Variants in SNRNP48 observed in about 807,000 individuals in gnomAD.
The protein encoded by SNRNP48 is small nuclear ribonucleoprotein U11/U12 subunit 48, also known as U11/U12 small nuclear ribonucleoprotein 48 kDa protein.
A neutral mutation model predicts 47.0 loss-of-function variants in SNRNP48; 43 were observed. The ratio of observed to expected loss-of-function variants is 0.92; its 90% CI spans 0.72 to 1.18. The LOEUF is 1.18. Among genes scored for constraint, SNRNP48 ranks in the 50% most tolerant of loss-of-function variants. The pLI is 0.00. For missense variants in SNRNP48, 396 were observed against 422.2 expected (o/e 0.94, Z 0.54); for synonymous variants, 138 against 144.0 (o/e 0.96, Z 0.30).
rs1441362533 is a variant in SNRNP48 at position 7,601,371 on chromosome 6, A to C, written c.442A>C (p.Asn148His). The C allele has an allele frequency of 2.5e-6, 4 of 1,576,444 alleles. No homozygotes were observed. The African/African-American group carries it at 4.2e-5, about 16-fold the overall frequency. ...TTCATTGCCTGTTGAAGTTCCTTTG[A>C]ATCACAAACGGTTTGTTTGTGATCT... ...YSSLPVEVPL[N>H]HKRFVCDLTQ... The change falls in exon 5 of 9, where the codon AAT becomes CAT. Residue 148 changes from asparagine (N) to histidine (H), a missense_variant. Coordinates refer to ENST00000342415, the MANE Select transcript of SNRNP48 (RefSeq NM_152551.4).
chr6:7,590,517 TC>T (rs1759796866), intron 1 of SNRNP48, 104 bp downstream of exon 1: 1 of 1,195,314 alleles, frequency 8.4e-7, no homozygotes, highest in Non-Finnish European at 1.1e-6. Flanking sequence ...GGGCGAGGAG[TC>T]CTCGTCCGTG....
chr6:7,608,891 AT>A lies in SNRNP48; in HGVS notation c.*19del. ...AAATATAAATGAAGTACTTGTACCT[AT>A]ATTAATTATGCTTACGCCATGATAA... On this transcript the variant is annotated 3_prime_UTR_variant, in exon 9 of 9. Transcript: ENST00000342415. The A allele has an allele frequency of 7.3e-7, 1 of 1,369,092 alleles. No individual in the cohort carries two copies. Among genetic ancestry groups the A allele is most frequent in the Non-Finnish European group, 1.0e-6 (1 of 995,722 alleles). 84.8% of individuals were successfully genotyped at this position (1,369,092 alleles called of 1,614,324 possible). A position where few individuals can be genotyped will look rare whatever the true frequency, so the allele number is the denominator to read the frequency against.
rs1054348059 is a variant in SNRNP48 at position 7,611,107 on chromosome 6, C to G, written c.*2234C>G. 1 of 152,378 alleles carries G rather than the reference C, an allele frequency of 6.6e-6. No individual in the cohort carries two copies. Among genetic ancestry groups the G allele is most frequent in the African/African-American group, 2.4e-5 (1 of 41,450 alleles). 9.4% of individuals were successfully genotyped at this position (152,378 alleles called of 1,614,324 possible). A position where few individuals can be genotyped will look rare whatever the true frequency, so the allele number is the denominator to read the frequency against. The stretch of plus-strand genomic sequence containing the variant: ...TGGAGTGCAGTGGTGCAGTCTGTAG[C>G]TCACTGCAGCCTCAAACTCCTAGGC... On this transcript the variant is annotated 3_prime_UTR_variant, in exon 9 of 9. Transcript: ENST00000342415.
chr6:7,605,255 T>C, intron 6 of SNRNP48, 143 bp from the exon 7 acceptor site: 1 of 625,784 alleles, frequency 1.6e-6, no homozygotes. Flanking sequence ...TTTTCTGTGT[T>C]CTCTAAACTG....
intron 6 of SNRNP48, 104 bp from the exon 7 acceptor site, chr6:7,605,294 G>C: frequency 1.2e-6 from 1 of 856,884 alleles, no homozygotes; most frequent in Admixed American, 2.0e-5. Context: ...TTATGTCATA[G>C]CACTTAGTAA....
chr6:7,594,903 G>A, intron 3 of SNRNP48, 124 bp from the exon 4 acceptor site: 3 of 718,260 alleles, frequency 4.2e-6, no homozygotes, highest in East Asian at 3.1e-5. Flanking sequence ...GGATGTGGAT[G>A]TTTCTTAAGA....
At position 7,609,439 on chromosome 6, in the gene SNRNP48, TCTCAAAAACATAATG is replaced by T. The variant is rs1760191836; in HGVS notation, c.*571_*585del. 6.6e-6 allele frequency: 1 copy of T among 152,200 alleles called. No individual in the cohort carries two copies. Among genetic ancestry groups the T allele is most frequent in the African/African-American group, 2.4e-5 (1 of 41,450 alleles). The allele number at this position is 152,200 out of a possible 1,614,324, so 9.4% of individuals were successfully genotyped here. A position where few individuals can be genotyped will look rare whatever the true frequency, so the allele number is the denominator to read the frequency against. On this transcript the variant is annotated 3_prime_UTR_variant, in exon 9 of 9. Transcript: ENST00000342415. The stretch of plus-strand genomic sequence containing the variant: ...CTAGATCCATATTAACCTGGATTGG[TCTCAAAAACATAATG>T]CTCAGTGAAAATAGCAAGTTGTAGA...
chr6:7,606,098 T>C lies in SNRNP48; in HGVS notation c.874T>C (p.Cys292Arg). ...TGGTGGAAGCTATTTGGATGCTGAGTGTTCACGACATAGAAGGGATAGGAG... is the reference window on the plus strand; with the variant it reads ...TGGTGGAAGCTATTTGGATGCTGAGCGTTCACGACATAGAAGGGATAGGAG... ...QSGGSYLDAE[C>R]SRHRRDRSRS... Residue 292 changes from cysteine to arginine, a missense_variant, in exon 8 of 9, where the codon TGT becomes CGT. Cys to Arg is a radical substitution (Grantham distance 180, BLOSUM62 -3). Coordinates refer to ENST00000342415, the MANE Select transcript of SNRNP48 (RefSeq NM_152551.4). The C allele has an allele frequency of 6.2e-7, 1 of 1,613,648 alleles. No individual in the cohort carries two copies. The highest frequency in any genetic ancestry group is 1.1e-5 in the South Asian group (1 of 91,012).
At chr6:7,591,601 C>G (rs935934953) in intron 1 of SNRNP48, among the ~76,000 whole-genome samples, 1 of 152,208 alleles carries the variant, frequency 6.6e-6, no homozygotes, top group Non-Finnish European at 1.5e-5. Context: ...GGGAATTCCA[C>G]TGAGTGGGGC....
At chr6:7,602,023 T>A (rs1199488020) in intron 5 of SNRNP48, among the ~76,000 whole-genome samples, 1 of 151,996 alleles carries the variant, frequency 6.6e-6, no homozygotes, top group Non-Finnish European at 1.5e-5. Flanking sequence ...CTGGCTACTT[T>A]TTGTATTTTT....
chr6:7,591,006 G>A (rs2744388), intron 1 of SNRNP48, among the ~76,000 whole-genome samples: 106,198 of 152,128 alleles, frequency 0.7, 37,607 homozygotes, highest in African/African-American at 0.83. Context: ...ATCCAGGAAG[G>A]TGTGTTGAGT....
chr6:7,594,132 A>G lies in SNRNP48; in HGVS notation c.304A>G (p.Asn102Asp). The G allele has an allele frequency of 7.0e-7, 1 of 1,425,624 alleles. No homozygotes were observed. Among genetic ancestry groups the G allele is most frequent in the Admixed American group, 2.3e-5 (1 of 43,210 alleles). 88.3% of individuals were successfully genotyped at this position (1,425,624 alleles called of 1,614,324 possible). The change falls in exon 3 of 9, where the codon AAT (asparagine) becomes GAT (aspartate). Residue 102 changes from asparagine (N) to aspartate (D), a missense_variant. By Grantham distance (23) the Asn-to-Asp change is conservative. Transcript: ENST00000342415. ...GTATAATCCTGAGTTTTTCTATGAA[A>G]ATGTGAAGATACCTTCGATTACTTT... ...EMYNPEFFYE[N>D]VKIPSITLNK... is the part of the protein sequence containing the mutation.
Position 7,610,149 on chromosome 6 carries a change from G to A in SNRNP48, c.*1276G>A, listed in dbSNP as rs1450809802. On this transcript the variant is annotated 3_prime_UTR_variant, in exon 9 of 9. Transcript: ENST00000342415. ...GTGAGACTTTGGCATGAAATGTTAA[G>A]CATCCGACATCTAAATAGCAATATT... 1 of 152,142 alleles carries A rather than the reference G, an allele frequency of 6.6e-6. No homozygotes were observed. Among genetic ancestry groups the A allele is most frequent in the Non-Finnish European group, 1.5e-5 (1 of 68,032 alleles). 9.4% of individuals were successfully genotyped at this position (152,142 alleles called of 1,614,324 possible).
Position 7,608,891 on chromosome 6 carries a change from A to G in SNRNP48, c.*18A>G. The G allele has an allele frequency of 3.7e-6, 5 of 1,369,092 alleles. No individual in the cohort carries two copies. The highest frequency in any genetic ancestry group is 2.2e-5 in the Admixed American group (1 of 45,896). 84.8% of individuals were successfully genotyped at this position (1,369,092 alleles called of 1,614,324 possible). ...AAATATAAATGAAGTACTTGTACCTATATTAATTATGCTTACGCCATGATA... is the reference window on the plus strand; with the variant it reads ...AAATATAAATGAAGTACTTGTACCTGTATTAATTATGCTTACGCCATGATA... On this transcript the variant is annotated 3_prime_UTR_variant, in exon 9 of 9. Coordinates refer to ENST00000342415, the MANE Select transcript of SNRNP48 (RefSeq NM_152551.4).
intron 4 of SNRNP48, among the ~76,000 whole-genome samples, chr6:7,597,614 C>A (rs976916602): frequency 7.2e-5 from 11 of 152,010 alleles, no homozygotes; most frequent in Admixed American, 2.6e-4. Context: ...AATTAATATA[C>A]AGAAAGTAAT....
Position 7,595,116 on chromosome 6 carries a change from A to G in SNRNP48, c.406+15A>G. On this transcript the variant is annotated intron_variant, in intron 4 of 8. Transcript: ENST00000342415. ...TTATAATCAAAGTAAGTGGCATTAC[A>G]GTTTAAGTGAATTAAAGAATGAAAT... 1.3e-6 allele frequency: 2 copies of G among 1,545,978 alleles called. No homozygotes were observed. The highest frequency in any genetic ancestry group is 1.7e-6 in the Non-Finnish European group (2 of 1,147,922).
At position 7,601,455 on chromosome 6, in the gene SNRNP48, C is replaced by G; in HGVS notation, c.526C>G (p.Arg176Gly). 6.2e-7 allele frequency: 1 copy of G among 1,601,688 alleles called. No individual in the cohort carries two copies. The highest frequency in any genetic ancestry group is 8.5e-7 in the Non-Finnish European group (1 of 1,177,410). ...CGTAGTTGAGGAGACAAAGAAAAAG[C>G]GCTCTGATTCTCAAATTATTGAAAA... is the stretch of plus-strand genomic sequence containing the variant. ...DFVVEETKKK[R>G]SDSQIIENDS... Residue 176 changes from arginine (R) to glycine (G), a missense_variant, in exon 5 of 9, where the codon CGC (arginine) becomes GGC (glycine). Transcript: ENST00000342415.
At chr6:7,601,294 C>T in intron 4 of SNRNP48, 42 bp from the exon 5 acceptor site, 1 of 1,455,386 alleles carries the variant, frequency 6.9e-7, no homozygotes, top group South Asian at 1.3e-5. Context: ...GTTCACAATG[C>T]TTCATGTATT....
In SNRNP48 at chr6:7,600,168, A is replaced by G. The variant is rs115817133; in HGVS notation, c.407-1168A>G. The stretch of plus-strand genomic sequence containing the variant: ...ATTCAAAACCCTTTGACGAGTAAAA[A>G]TGGCCATATATTGTTATGTATAGCC... On this transcript the variant is annotated intron_variant, in intron 4 of 8. Coordinates refer to ENST00000342415, the MANE Select transcript of SNRNP48 (RefSeq NM_152551.4). 32 of 991,672 alleles carry G rather than the reference A, an allele frequency of 3.2e-5. No homozygotes were observed. The African/African-American group carries it at 4.7e-4, about 15-fold the overall frequency. 61.4% of individuals were successfully genotyped at this position (991,672 alleles called of 1,614,324 possible). A position where few individuals can be genotyped will look rare whatever the true frequency, so the allele number is the denominator to read the frequency against.
Sources: gnomAD v4.1 joint callset for allele counts (sites outside exome capture counted in the v4.1 genomes callset) on GRCh38, gnomAD v4.1.1 for gene constraint, MANE v1.5 for transcripts, NCBI Gene and HGNC (gene_info 2026-07-23, HGNC 2026-07-21) for gene names.